Variants in VANGL1 observed in about 807,000 individuals in gnomAD.
VANGL1 encodes VANGL planar cell polarity protein 1.
In VANGL1, 18 loss-of-function variants were observed where a neutral mutation model predicts 48.4. That is an observed-to-expected ratio of 0.37 (90% CI 0.26 to 0.55). The LOEUF is 0.55. Among genes scored for constraint, VANGL1 ranks in the 20% least tolerant of loss-of-function variants. The pLI is 0.81. For synonymous variants in VANGL1, 257 were observed against 261.8 expected, an observed-to-expected ratio of 0.98 and a Z score of 0.18; for missense variants, 667 against 675.8, an observed-to-expected ratio of 0.99 and a Z score of 0.14.
At position 115,655,565 on chromosome 1, in the gene VANGL1, A is replaced by G. The variant is rs138731536; in HGVS notation, c.72-4076A>G. The stretch of plus-strand genomic sequence containing the variant: ...AATTCAGAGATAAAGATACGAAGAA[A>G]AACTCTCGTAGCTGACACAGCCACC... On this transcript the variant is annotated intron_variant, in intron 2 of 7. Transcript: ENST00000355485. Among the ~76,000 whole-genome samples, 32 of 152,310 alleles carry G rather than the reference A, an allele frequency of 2.1e-4. No individual in the cohort carries two copies. The East Asian group carries it at 6.0e-3, about 28-fold the overall frequency.
intron 7 of VANGL1, among the ~76,000 whole-genome samples, chr1:115,686,876 GATA>G (rs987414206): frequency 1.4e-5 from 2 of 140,854 alleles, no homozygotes; most frequent in African/African-American, 5.3e-5. Flanking sequence ...TATCAATGAG[GATA>G]ATAATAATAT....
chr1:115,646,356 T>C (rs532262803), intron 1 of VANGL1, among the ~76,000 whole-genome samples: 3 of 151,986 alleles, frequency 2.0e-5, no homozygotes, highest in Non-Finnish European at 4.4e-5. Flanking sequence ...AGCAATACAC[T>C]CTTAAGGGGT....
chr1:115,659,577 T>G, intron 2 of VANGL1, 64 bp from the exon 3 acceptor site: 1 of 1,608,722 alleles, frequency 6.2e-7, no homozygotes, highest in Non-Finnish European at 8.5e-7. Context: ...GATACTTACA[T>G]TTTGATAAAC....
chr1:115,686,398 AGGC>A (rs1376948970), intron 7 of VANGL1, among the ~76,000 whole-genome samples: 8 of 149,822 alleles, frequency 5.3e-5, no homozygotes, highest in Non-Finnish European at 1.0e-4. Context: ...AAATGCCATC[AGGC>A]ATTTTGGGTG....
intron 4 of VANGL1, among the ~76,000 whole-genome samples, chr1:115,668,606 A>G (rs1171674043): frequency 6.6e-6 from 1 of 152,256 alleles, no homozygotes; most frequent in East Asian, 1.9e-4. Flanking sequence ...AGTATTTCTC[A>G]CAATTCTGCA....
Position 115,664,189 on chromosome 1 carries a change from C to T in VANGL1, c.733C>T (p.Gln245Ter). The T allele has an allele frequency of 6.2e-7, 1 of 1,614,100 alleles. No individual in the cohort carries two copies. Among genetic ancestry groups the T allele is most frequent in the Non-Finnish European group, 8.5e-7 (1 of 1,179,952 alleles). ...GGCCATCGTCCTGCTGGAGCTCAGG[C>T]AGCTGCAGCCCATGTTCACGCTGCA... ...YLAIVLLELR[Q>*]LQPMFTLQVV... Residue 245 changes from glutamine to a stop codon, truncating the protein, a stop_gained, in exon 4 of 8, where the codon CAG becomes TAG. Coordinates refer to ENST00000355485, the MANE Select transcript of VANGL1 (RefSeq NM_138959.3). LOFTEE classifies it high-confidence loss of function.
Position 115,687,563 on chromosome 1 carries a change from C to T in VANGL1, c.1314+2036C>T, listed in dbSNP as rs140924695. On this transcript the variant is annotated intron_variant, in intron 7 of 7. Transcript: ENST00000355485. Reference sequence around the variant, plus strand: ...CCAAACATTAAAGAAAAGTATCATGCGGAAAATGAAGTTTTCAGCCCCTGC... The same window carrying T: ...CCAAACATTAAAGAAAAGTATCATGTGGAAAATGAAGTTTTCAGCCCCTGC... 5.1e-5 allele frequency among the ~76,000 whole-genome samples: 7 copies of T among 138,362 alleles called. 2 individuals carry two copies. The highest frequency in any genetic ancestry group is 1.4e-4 in the African/African-American group (5 of 36,904). The allele number at this position is 138,362 out of a possible 152,430, so 90.8% of individuals were successfully genotyped here. A position where few individuals can be genotyped will look rare whatever the true frequency, so the allele number is the denominator to read the frequency against.
At chr1:115,681,078 C>A (rs1653367939) in intron 4 of VANGL1, among the ~76,000 whole-genome samples, 1 of 152,174 alleles carries the variant, frequency 6.6e-6, no homozygotes, top group South Asian at 2.1e-4. Context: ...TCCAGCTCTC[C>A]TGTTTATTAA....
At chr1:115,652,340 A>G (rs1476976443) in intron 2 of VANGL1, among the ~76,000 whole-genome samples, 2 of 152,222 alleles carry the variant, frequency 1.3e-5, no homozygotes, top group Non-Finnish European at 2.9e-5. Flanking sequence ...TTTGTTAAGT[A>G]GAAGAGCAAA....
chr1:115,661,781 C>T (rs565113253), intron 3 of VANGL1, among the ~76,000 whole-genome samples: 1 of 152,206 alleles, frequency 6.6e-6, no homozygotes, highest in African/African-American at 2.4e-5. Flanking sequence ...CCACGCCCAG[C>T]TAATTTTTGT....
intron 7 of VANGL1, among the ~76,000 whole-genome samples, chr1:115,686,065 C>A (rs1432717377): frequency 6.6e-6 from 1 of 152,090 alleles, no homozygotes; most frequent in East Asian, 1.9e-4. Context: ...ATGCCAAGCT[C>A]ATCTACTCTC....
At chr1:115,678,244 C>T (rs1266102274) in intron 4 of VANGL1, among the ~76,000 whole-genome samples, 2 of 152,266 alleles carry the variant, frequency 1.3e-5, no homozygotes, top group East Asian at 1.9e-4. Flanking sequence ...CTGGAGGATT[C>T]GAAAAGCCTT....
At chr1:115,653,463 C>T (rs997083678) in intron 2 of VANGL1, among the ~76,000 whole-genome samples, 1 of 152,174 alleles carries the variant, frequency 6.6e-6, no homozygotes, top group African/African-American at 2.4e-5. Context: ...TTGTCAATAC[C>T]AGGCTTCCCT....
Position 115,693,559 on chromosome 1 carries a change from C to T in VANGL1, c.*2180C>T, listed in dbSNP as rs1570783837. 1 of 152,192 alleles carries T rather than the reference C, an allele frequency of 6.6e-6. No individual in the cohort carries two copies. The highest frequency in any genetic ancestry group is 1.9e-4 in the East Asian group (1 of 5,198). The allele number at this position is 152,192 out of a possible 1,614,324, so 9.4% of individuals were successfully genotyped here. On this transcript the variant is annotated 3_prime_UTR_variant, in exon 8 of 8. Coordinates refer to ENST00000355485, the MANE Select transcript of VANGL1 (RefSeq NM_138959.3). Reference sequence around the variant, plus strand: ...TCTCCCCCTTCCTCTTTCTCCCAGTCTTTGCATAGGAGAATGTTAGACATT... The same window carrying T: ...TCTCCCCCTTCCTCTTTCTCCCAGTTTTTGCATAGGAGAATGTTAGACATT...
intron 2 of VANGL1, among the ~76,000 whole-genome samples, chr1:115,654,138 CAGAGGTTTGTTGGGA>C (rs1652255010): frequency 6.6e-6 from 1 of 152,134 alleles, no homozygotes; most frequent in Admixed American, 6.5e-5. Flanking sequence ...CTGCCCTGCT[CAGAGGTTTGTTGGGA>C]ACTTGAATGG....
intron 7 of VANGL1, among the ~76,000 whole-genome samples, chr1:115,689,809 A>C (rs1653765990): frequency 7.3e-6 from 1 of 137,052 alleles, no homozygotes; most frequent in African/African-American, 2.8e-5. Flanking sequence ...CACAAAAATT[A>C]GCCAGGTGTG....
At chr1:115,682,531 CAG>C (rs768026826) in intron 5 of VANGL1, 34 bp downstream of exon 5, 5 of 1,614,054 alleles carry the variant, frequency 3.1e-6, no homozygotes, top group Admixed American at 3.3e-5. Context: ...GTGGTGCTCA[CAG>C]GGGCACAGTT....
At chr1:115,670,660 T>C (rs1652943289) in intron 4 of VANGL1, among the ~76,000 whole-genome samples, 1 of 152,176 alleles carries the variant, frequency 6.6e-6, no homozygotes, top group Non-Finnish European at 1.5e-5. Context: ...GCACCAACGG[T>C]CTCTGAGAGC....
At position 115,697,623 on chromosome 1, in the gene VANGL1, C is replaced by T. The variant is rs1654078870; in HGVS notation, c.*6244C>T. On this transcript the variant is annotated 3_prime_UTR_variant, in exon 8 of 8. Coordinates refer to ENST00000355485, the MANE Select transcript of VANGL1 (RefSeq NM_138959.3). ...AATGCTACTGAGAGAACCAGAGAGG[C>T]CTGGGCCAGGCAGGTCTTATTTGAG... 1 of 152,196 alleles carries T rather than the reference C, an allele frequency of 6.6e-6. No homozygotes were observed. Among genetic ancestry groups the T allele is most frequent in the African/African-American group, 2.4e-5 (1 of 41,442 alleles). The allele number at this position is 152,196 out of a possible 1,614,324, so 9.4% of individuals were successfully genotyped here. A position where few individuals can be genotyped will look rare whatever the true frequency, so the allele number is the denominator to read the frequency against.
Sources: allele counts gnomAD v4.1 joint callset (sites outside exome capture counted in the v4.1 genomes callset), GRCh38; gene constraint gnomAD v4.1.1; transcripts MANE v1.5; gene names NCBI Gene and HGNC (gene_info 2026-07-23, HGNC 2026-07-21).